The following PALM2AKAP2 variants were observed in gnomAD, a reference collection of about 807,000 sequenced individuals.
PALM2AKAP2 encodes the protein PALM2 and AKAP2 fusion.
A neutral mutation model predicts 71.5 loss-of-function variants in PALM2AKAP2; 37 were observed. The observed-to-expected ratio is 0.52, with a 90% confidence interval of 0.40 to 0.68. PALM2AKAP2 has a LOEUF of 0.68. PALM2AKAP2 is among the 30% of genes least tolerant of loss of function. The pLI is 0.00. For synonymous variants in PALM2AKAP2, 468 were observed against 478.8 expected (o/e 0.98, Z 0.29); for missense variants, 1,224 against 1,191.8 (o/e 1.03, Z -0.40).
At chr9:109,935,051 C>G (rs1036492747) in intron 6 of PALM2AKAP2, among the ~76,000 whole-genome samples, 17 of 152,222 alleles carry the variant, frequency 1.1e-4, no homozygotes, top group African/African-American at 3.6e-4. Flanking sequence ...TGGGATTTGA[C>G]AGGGCTCTGA....
intron 3 of PALM2AKAP2, among the ~76,000 whole-genome samples, chr9:109,899,941 C>T (rs777973856): frequency 2.0e-5 from 3 of 152,216 alleles, no homozygotes; most frequent in Non-Finnish European, 4.4e-5. Flanking sequence ...TTTCTCTATC[C>T]TCCTCTAGCC....
At chr9:109,668,546 AG>A (rs1212254069) in intron 1 of PALM2AKAP2, among the ~76,000 whole-genome samples, 6 of 152,232 alleles carry the variant, frequency 3.9e-5, no homozygotes, top group African/African-American at 1.2e-4. Context: ...AATTATGTAT[AG>A]ATTGTGTGTC....
At chr9:109,693,522 C>G (rs1344872952) in intron 1 of PALM2AKAP2, among the ~76,000 whole-genome samples, 1 of 151,734 alleles carries the variant, frequency 6.6e-6, no homozygotes, top group Non-Finnish European at 1.5e-5. Context: ...TAATTCTGGT[C>G]CCGTAAGGTG....
At chr9:109,837,592 TAA>T (rs1309778811) in intron 1 of PALM2AKAP2, among the ~76,000 whole-genome samples, 1 of 151,974 alleles carries the variant, frequency 6.6e-6, no homozygotes, top group Non-Finnish European at 1.5e-5. Flanking sequence ...GCAAATTAGA[TAA>T]AGAGTCAAGA....
At chr9:110,065,012 G>T (rs1411105685) in intron 1 of PALM2AKAP2, among the ~76,000 whole-genome samples, 1 of 152,164 alleles carries the variant, frequency 6.6e-6, no homozygotes. Flanking sequence ...TTGCAAGGCT[G>T]TGGAAACATA....
At chr9:109,937,549 CA>C (rs1831254910) in intron 6 of PALM2AKAP2, among the ~76,000 whole-genome samples, 1 of 152,152 alleles carries the variant, frequency 6.6e-6, no homozygotes, top group Non-Finnish European at 1.5e-5. Context: ...TTCTTAAAAA[CA>C]GCATATTACT....
At chr9:110,039,517 T>C (rs1214672667) in intron 7 of PALM2AKAP2, among the ~76,000 whole-genome samples, 1 of 152,144 alleles carries the variant, frequency 6.6e-6, no homozygotes, top group Non-Finnish European at 1.5e-5. Context: ...AGGTCAGGAT[T>C]CCAATCCAGG....
intron 3 of PALM2AKAP2, among the ~76,000 whole-genome samples, chr9:109,914,664 A>G (rs926768858): frequency 6.6e-6 from 1 of 152,238 alleles, no homozygotes; most frequent in African/African-American, 2.4e-5. Context: ...TAAGCACCTT[A>G]AGCCAGTTGG....
In PALM2AKAP2 at chr9:109,998,869, C is replaced by G. The variant is rs114136366; in HGVS notation, c.497-17085C>G. Among the ~76,000 whole-genome samples the G allele has an allele frequency of 3.3e-3, 501 of 151,976 alleles. 1 individual carries two copies. The highest frequency in any genetic ancestry group is 0.011 in the African/African-American group (472 of 41,448). On this transcript the variant is annotated intron_variant, in intron 6 of 9. Transcript: ENST00000302798. Reference sequence around the variant, plus strand: ...ACCAGGAAAAGGCCATGTCATCCATCAGGTGACTTTGTAGAGGAGGCTTCT... The same window carrying G: ...ACCAGGAAAAGGCCATGTCATCCATGAGGTGACTTTGTAGAGGAGGCTTCT...
chr9:109,813,790 C>T (rs372066089), intron 1 of PALM2AKAP2, among the ~76,000 whole-genome samples: 10 of 152,112 alleles, frequency 6.6e-5, no homozygotes, highest in African/African-American at 9.7e-5. Context: ...TTCAAGAAGC[C>T]GATAACTCCT....
chr9:110,154,345 G>T (rs1743509574), intron 2 of PALM2AKAP2, among the ~76,000 whole-genome samples: 1 of 152,074 alleles, frequency 6.6e-6, no homozygotes, highest in South Asian at 2.1e-4. Context: ...GCTGGCTCCA[G>T]AGCTTACACG....
intron 1 of PALM2AKAP2, among the ~76,000 whole-genome samples, chr9:109,655,426 A>T (rs1320958006): frequency 1.3e-5 from 2 of 152,012 alleles, no homozygotes; most frequent in African/African-American, 4.8e-5. Context: ...ATATATATGT[A>T]TTTTGTGTGT....
At chr9:110,048,758 C>T (rs78923754) in exon 1 of PALM2AKAP2, 164,344 of 1,539,230 alleles carry the variant, frequency 0.11, 9,078 homozygotes, top group Middle Eastern at 0.19. Flanking sequence ...CCTGGACCCC[C>T]GGAGTCTCCT....
At chr9:109,700,898 A>C (rs892442289) in intron 1 of PALM2AKAP2, among the ~76,000 whole-genome samples, 26 of 152,350 alleles carry the variant, frequency 1.7e-4, no homozygotes, top group African/African-American at 6.3e-4. Context: ...TGGAAGGTCA[A>C]ACATGAGTGT....
intron 1 of PALM2AKAP2, among the ~76,000 whole-genome samples, chr9:109,818,017 A>G (rs1827894908): frequency 6.6e-6 from 1 of 152,206 alleles, no homozygotes; most frequent in African/African-American, 2.4e-5. Context: ...GAGTTACATT[A>G]AGCGCAGTCT....
chr9:109,820,633 A>G (rs1389617375), intron 1 of PALM2AKAP2, among the ~76,000 whole-genome samples: 2 of 152,244 alleles, frequency 1.3e-5, no homozygotes, highest in Non-Finnish European at 1.5e-5. Flanking sequence ...TGGTGATGTT[A>G]GCTGCTTCCT....
intron 1 of PALM2AKAP2, among the ~76,000 whole-genome samples, chr9:110,089,146 A>G (rs493935): frequency 0.99 from 150,409 of 152,302 alleles, 74,281 homozygotes; most frequent in East Asian, 1. Context: ...GCAGAGCAAT[A>G]GGGAGAAAGG....
chr9:109,715,790 A>C (rs1285321098), intron 1 of PALM2AKAP2, among the ~76,000 whole-genome samples: 1 of 152,240 alleles, frequency 6.6e-6, no homozygotes, highest in African/African-American at 2.4e-5. Context: ...CATATCCATT[A>C]GAGGTCATGC....
At chr9:109,980,591 A>T (rs990587347) in intron 6 of PALM2AKAP2, among the ~76,000 whole-genome samples, 3 of 152,142 alleles carry the variant, frequency 2.0e-5, no homozygotes, top group Admixed American at 6.5e-5. Flanking sequence ...TTCTCAAATG[A>T]ATCCTATGAC....
Sources: gnomAD v4.1 joint callset for allele counts (sites outside exome capture counted in the v4.1 genomes callset) on GRCh38, gnomAD v4.1.1 for gene constraint, MANE v1.5 for transcripts, NCBI Gene and HGNC (gene_info 2026-07-23, HGNC 2026-07-21) for gene names.